Variants in NRBF2 observed in about 807,000 individuals in gnomAD.
NRBF2 encodes nuclear receptor binding factor 2.
In NRBF2, 12 loss-of-function variants were observed where a neutral mutation model predicts 28.5. That is an observed-to-expected ratio of 0.42 (90% confidence interval 0.27 to 0.68). The LOEUF (loss-of-function observed/expected upper bound fraction) is 0.68. NRBF2 is among the 30% of genes least tolerant of loss of function. NRBF2 has a pLI of 0.24. For synonymous variants in NRBF2, 102 were observed against 116.5 expected, an observed-to-expected ratio of 0.88 and a Z score of 0.80; for missense variants, 274 against 333.5, an observed-to-expected ratio of 0.82 and a Z score of 1.39.
At position 63,141,353 on chromosome 10, in the gene NRBF2, T is replaced by TG. The variant is rs746957717; in HGVS notation, c.31-4854dup. 1.0e-3 allele frequency among the ~76,000 whole-genome samples: 152 copies of TG among 152,296 alleles called. 2 individuals carry two copies. In the Middle Eastern group the frequency reaches 0.024, roughly 24 times the overall value. On this transcript the variant is annotated intron_variant, in intron 1 of 3. Transcript: ENST00000277746. ...CAGGAGGCTGAGGTGGCAGGATTGC[T>TG]GGAGCCCAGGATATTGAGGCTGCAG...
intron 1 of NRBF2, among the ~76,000 whole-genome samples, 194 bp downstream of exon 1, chr10:63,133,694 T>C (rs895893689): frequency 2.0e-5 from 3 of 152,208 alleles, no homozygotes; most frequent in Non-Finnish European, 4.4e-5. Flanking sequence ...GACTTTGCCC[T>C]CCTGGGGGAT....
intron 1 of NRBF2, among the ~76,000 whole-genome samples, chr10:63,144,091 C>T (rs1158132447): frequency 1.3e-5 from 2 of 152,100 alleles, no homozygotes; most frequent in African/African-American, 2.4e-5. Flanking sequence ...GTAAAAAACA[C>T]GTGAAGTTTA....
chr10:63,138,370 G>T (rs1841406449), intron 1 of NRBF2, among the ~76,000 whole-genome samples: 1 of 151,952 alleles, frequency 6.6e-6, no homozygotes, highest in African/African-American at 2.4e-5. Flanking sequence ...TATAATCCCA[G>T]CTACTTGGGA....
At chr10:63,137,157 T>C (rs2132676280) in intron 1 of NRBF2, among the ~76,000 whole-genome samples, 1 of 152,302 alleles carries the variant, frequency 6.6e-6, no homozygotes, top group Admixed American at 6.5e-5. Context: ...AAACTTTTTG[T>C]GGAGATGGGG....
At chr10:63,152,119 A>G (rs767789337) in intron 2 of NRBF2, 31 bp from the exon 3 acceptor site, 11 of 1,568,872 alleles carry the variant, frequency 7.0e-6, no homozygotes, top group Non-Finnish European at 9.6e-6. Context: ...ATGAAGACAC[A>G]TATTAACATG....
At chr10:63,146,101 T>A in intron 1 of NRBF2, 108 bp from the exon 2 acceptor site, 1 of 802,772 alleles carries the variant, frequency 1.2e-6, no homozygotes, top group Non-Finnish European at 2.1e-6. Context: ...TGATTTGATA[T>A]GTGGCAACAA....
In NRBF2 at chr10:63,133,597, G is replaced by A; in HGVS notation, c.30+97G>A. On this transcript the variant is annotated intron_variant, in intron 1 of 3. Transcript: ENST00000277746. ...CGTCGGCTAACCCTTTAGGCTGGGA[G>A]GTTGGTTTGGCAGGAGTGGTCGCAG... The A allele has an allele frequency of 1.6e-5, 15 of 959,664 alleles. No homozygotes were observed. The South Asian group carries it at 1.6e-4, about 10-fold the overall frequency. The allele number at this position is 959,664 out of a possible 1,614,324, so 59.4% of individuals were successfully genotyped here.
intron 2 of NRBF2, among the ~76,000 whole-genome samples, chr10:63,147,315 AT>A (rs1841577336): frequency 6.7e-6 from 1 of 149,830 alleles, no homozygotes; most frequent in Non-Finnish European, 1.5e-5. Flanking sequence ...TTCAGAGAAA[AT>A]TAAAATTTTT....
chr10:63,150,832 AT>A (rs1175668793), intron 2 of NRBF2, among the ~76,000 whole-genome samples: 2 of 152,228 alleles, frequency 1.3e-5, no homozygotes, highest in Admixed American at 6.5e-5. Flanking sequence ...ATCATCAGGT[AT>A]TAGATTATCA....
chr10:63,147,323 T>A (rs935908086), intron 2 of NRBF2, among the ~76,000 whole-genome samples: 2 of 111,184 alleles, frequency 1.8e-5, no homozygotes, highest in Non-Finnish European at 4.1e-5. Flanking sequence ...AAATTAAAAT[T>A]TTTTTTTTTT....
rs929903866 is a variant in NRBF2 at position 63,154,980 on chromosome 10, T to A, written c.*762T>A. 1.3e-5 allele frequency: 2 copies of A among 152,440 alleles called. No individual in the cohort carries two copies. Among genetic ancestry groups the A allele is most frequent in the African/African-American group, 4.8e-5 (2 of 41,472 alleles). The allele number at this position is 152,440 out of a possible 1,614,324, so 9.4% of individuals were successfully genotyped here. On this transcript the variant is annotated 3_prime_UTR_variant, in exon 4 of 4. Transcript: ENST00000277746. ...ATGCAAGAGTGGACGTAATGCTAGT[T>A]GGCAGTATTTTATTGTAAGAAATCA...
intron 1 of NRBF2, among the ~76,000 whole-genome samples, chr10:63,142,459 A>G (rs982694366): frequency 6.6e-6 from 1 of 152,006 alleles, no homozygotes; most frequent in Non-Finnish European, 1.5e-5. Context: ...GTGAGCCACC[A>G]TGCCCGGCCT....
At chr10:63,135,121 A>G (rs1480955138) in intron 1 of NRBF2, among the ~76,000 whole-genome samples, 1 of 152,182 alleles carries the variant, frequency 6.6e-6, no homozygotes, top group African/African-American at 2.4e-5. Flanking sequence ...CAGGAGGTGG[A>G]GGTTGCAGTG....
intron 1 of NRBF2, among the ~76,000 whole-genome samples, chr10:63,134,779 TCA>T (rs1237153395): frequency 6.6e-6 from 1 of 152,210 alleles, no homozygotes; most frequent in Non-Finnish European, 1.5e-5. Context: ...TCGGACCAAA[TCA>T]CTGGTGCCAG....
Position 63,133,456 on chromosome 10 carries a change from C to G in NRBF2, c.-15C>G. On this transcript the variant is annotated 5_prime_UTR_variant, in exon 1 of 4. Coordinates refer to ENST00000277746, the MANE Select transcript of NRBF2 (RefSeq NM_030759.5). ...ACTACTCCCCTTCCTAAGGCCGCCG[C>G]TTACCCCGGGGTCTATGGAAGTAAT... is the stretch of plus-strand genomic sequence containing the variant. 1 of 1,612,122 alleles carries G rather than the reference C, an allele frequency of 6.2e-7. No individual in the cohort carries two copies. The highest frequency in any genetic ancestry group is 1.1e-5 in the South Asian group (1 of 90,996).
At chr10:63,143,843 C>G (rs1369290957) in intron 1 of NRBF2, among the ~76,000 whole-genome samples, 1 of 150,956 alleles carries the variant, frequency 6.6e-6, no homozygotes, top group Non-Finnish European at 1.5e-5. Context: ...GCCTCCATTA[C>G]CCAGGCTCAA....
chr10:63,150,739 A>G (rs1841634936), intron 2 of NRBF2, among the ~76,000 whole-genome samples: 1 of 152,230 alleles, frequency 6.6e-6, no homozygotes, highest in African/African-American at 2.4e-5. Flanking sequence ...ACAACTCAAC[A>G]TAATGTAGAA....
At chr10:63,138,103 G>A (rs908022483) in intron 1 of NRBF2, among the ~76,000 whole-genome samples, 1 of 152,006 alleles carries the variant, frequency 6.6e-6, no homozygotes, top group African/African-American at 2.4e-5. Context: ...ACTGAGGTGG[G>A]TAGGTCACCG....
rs1353365303 is a variant in NRBF2 at position 63,154,746 on chromosome 10, CTT to C, written c.*530_*531del. On this transcript the variant is annotated 3_prime_UTR_variant, in exon 4 of 4. Transcript: ENST00000277746. ...TCTAGATGAAACTATATGTGCCACA[CTT>C]TGCACTACTCATAATGATAACCTCA... 2 of 129,026 alleles carry C rather than the reference CTT, an allele frequency of 1.6e-5. No individual in the cohort carries two copies. Among genetic ancestry groups the C allele is most frequent in the Non-Finnish European group, 1.8e-5 (1 of 54,630 alleles). 8.0% of individuals were successfully genotyped at this position (129,026 alleles called of 1,614,324 possible). A position where few individuals can be genotyped will look rare whatever the true frequency, so the allele number is the denominator to read the frequency against.
Sources: gnomAD v4.1 joint callset for allele counts (sites outside exome capture counted in the v4.1 genomes callset) on GRCh38, gnomAD v4.1.1 for gene constraint, MANE v1.5 for transcripts, NCBI Gene and HGNC (gene_info 2026-07-23, HGNC 2026-07-21) for gene names.